The following ATRX variants were observed in gnomAD, a reference collection of about 807,000 sequenced individuals.
ATRX encodes the protein chromatin remodeler ATRX.
ATRX carries 12 observed loss-of-function variants against 172.6 expected under a neutral mutation model. The observed-to-expected ratio is 0.07, with a 90% CI of 0.04 to 0.11. The LOEUF is 0.11. Among genes scored for constraint, ATRX ranks in the 10% least tolerant of loss-of-function variants. The pLI is 1.00. For synonymous variants in ATRX, 674 were observed against 594.7 expected, an observed-to-expected ratio of 1.13 and a Z score of -1.94; for missense variants, 1,368 against 1,767.4, an observed-to-expected ratio of 0.77 and a Z score of 4.05.
intron 1 of ATRX, among the ~76,000 whole-genome samples, chrX:77,757,564 G>C (rs1158792520): frequency 9.0e-6 from 1 of 111,441 alleles, no homozygotes; most frequent in Non-Finnish European, 1.9e-5. Context: ...AATATTCTTT[G>C]AAAAACTCCT....
intron 30 of ATRX, among the ~76,000 whole-genome samples, chrX:77,536,777 ATC>A (rs2063761781): frequency 2.7e-5 from 3 of 111,969 alleles, no homozygotes; most frequent in Non-Finnish European, 5.6e-5. Flanking sequence ...TAAAAAGAAG[ATC>A]TGTTTCAGTC....
chrX:77,523,482 GTAC>G, intron 30 of ATRX, 81 bp from the exon 31 acceptor site: 1 of 1,013,357 alleles, frequency 9.9e-7, no homozygotes, highest in Non-Finnish European at 1.4e-6. Flanking sequence ...ATGGTCAACT[GTAC>G]TAGAAACTAA....
intron 1 of ATRX, among the ~76,000 whole-genome samples, chrX:77,741,943 C>T (rs2074891883): frequency 9.0e-6 from 1 of 111,485 alleles, no homozygotes; most frequent in African/African-American, 3.3e-5. Flanking sequence ...ACGTTAAGAT[C>T]TTTGATGCAT....
At chrX:77,522,116 G>A (rs1449675442) in intron 32 of ATRX, 147 bp downstream of exon 32, 8 of 762,302 alleles carry the variant, frequency 1.0e-5, no homozygotes, top group African/African-American at 6.2e-5. Flanking sequence ...GGTTCAAAAC[G>A]GTCAACAAAT....
At chrX:77,707,766 A>G (rs1338718287) in intron 2 of ATRX, among the ~76,000 whole-genome samples, 1 of 111,791 alleles carries the variant, frequency 8.9e-6, no homozygotes, top group Non-Finnish European at 1.9e-5. Context: ...GACTGGACAG[A>G]GGGTTTGAAT....
chrX:77,659,176 A>C (rs1351717484), intron 12 of ATRX, among the ~76,000 whole-genome samples: 1 of 111,011 alleles, frequency 9.0e-6, no homozygotes, highest in Non-Finnish European at 1.9e-5. Context: ...ATGTCACTGA[A>C]TCATACACTT....
intron 1 of ATRX, among the ~76,000 whole-genome samples, chrX:77,757,749 G>A (rs1295974651): frequency 3.8e-5 from 4 of 106,309 alleles, no homozygotes; most frequent in Non-Finnish European, 5.8e-5. Context: ...TCAGCTCACT[G>A]CAACCTCCAC....
intron 30 of ATRX, among the ~76,000 whole-genome samples, chrX:77,528,036 G>T (rs782790677): frequency 9.5e-6 from 1 of 104,974 alleles, no homozygotes; most frequent in African/African-American, 3.5e-5. Flanking sequence ...GGGAGCTGGG[G>T]GTGGTGGGGG....
chrX:77,667,967 A>G (rs1388204369), intron 10 of ATRX, among the ~76,000 whole-genome samples: 1 of 111,821 alleles, frequency 8.9e-6, no homozygotes, highest in Non-Finnish European at 1.9e-5. Flanking sequence ...CTTTTGTCCA[A>G]AGGAAAACCT....
At chrX:77,617,251 C>T (rs368225193) in intron 21 of ATRX, among the ~76,000 whole-genome samples, 1 of 111,831 alleles carries the variant, frequency 8.9e-6, no homozygotes, top group African/African-American at 3.2e-5. Context: ...CTCTTGAAAC[C>T]ATTTTATTGT....
intron 27 of ATRX, among the ~76,000 whole-genome samples, chrX:77,584,746 G>A (rs1557075930): frequency 9.0e-6 from 1 of 111,307 alleles, no homozygotes; most frequent in African/African-American, 3.3e-5. Flanking sequence ...CATTGGACTA[G>A]GCAAAGATTT....
chrX:77,764,154 A>T (rs1557194316), intron 1 of ATRX, among the ~76,000 whole-genome samples: 1 of 111,779 alleles, frequency 8.9e-6, no homozygotes, highest in East Asian at 2.8e-4. Flanking sequence ...TTTAATACCT[A>T]GCTCCGTATA....
intron 1 of ATRX, among the ~76,000 whole-genome samples, chrX:77,738,150 C>T (rs2074681672): frequency 9.2e-6 from 1 of 109,062 alleles, no homozygotes; most frequent in African/African-American, 3.3e-5. Context: ...GCCTGAACAA[C>T]ATAGTGAGAT....
intron 15 of ATRX, among the ~76,000 whole-genome samples, chrX:77,644,193 T>C (rs1980840333): frequency 8.9e-6 from 1 of 112,448 alleles, no homozygotes; most frequent in Non-Finnish European, 1.9e-5. Flanking sequence ...CCGCCTGCCT[T>C]GGCCTCCCAA....
intron 13 of ATRX, 46 bp downstream of exon 13, chrX:77,656,514 T>G (rs781921703): frequency 1.0e-6 from 1 of 961,869 alleles, no homozygotes; most frequent in Non-Finnish European, 1.5e-6. Flanking sequence ...GAAGGCATGG[T>G]CATTCAGATT....
intron 10 of ATRX, among the ~76,000 whole-genome samples, chrX:77,669,074 G>T (rs2148514282): frequency 9.0e-6 from 1 of 111,632 alleles, no homozygotes; most frequent in African/African-American, 3.3e-5. Flanking sequence ...AATACAAAAT[G>T]TTAGAGCCAG....
intron 10 of ATRX, chrX:77,675,301 C>G (rs1557132840): frequency 9.0e-6 from 1 of 111,650 alleles, no homozygotes; most frequent in Admixed American, 9.6e-5. Flanking sequence ...TTTCGCCCAA[C>G]TTTTTCTTCT....
intron 1 of ATRX, among the ~76,000 whole-genome samples, chrX:77,740,091 A>T (rs1436491135): frequency 1.9e-5 from 2 of 107,420 alleles, no homozygotes; most frequent in Non-Finnish European, 3.8e-5. Context: ...TTAAAAAAAG[A>T]AACAAACAAA....
At chrX:77,725,719 C>T (rs868967338) in intron 1 of ATRX, among the ~76,000 whole-genome samples, 1 of 111,949 alleles carries the variant, frequency 8.9e-6, no homozygotes, top group South Asian at 3.7e-4. Flanking sequence ...TTGCAATCTA[C>T]TCATCTGACA....
Sources: allele counts gnomAD v4.1 joint callset (sites outside exome capture counted in the v4.1 genomes callset), GRCh38; gene constraint gnomAD v4.1.1; transcripts MANE v1.5; gene names NCBI Gene and HGNC (gene_info 2026-07-23, HGNC 2026-07-21).